The following CCKAR variants were observed in gnomAD, a reference collection of about 807,000 sequenced individuals.
The protein encoded by CCKAR is cholecystokinin receptor type A.
Under a neutral mutation model 29.8 loss-of-function variants are expected in CCKAR, and 21 were observed. The ratio of observed to expected loss-of-function variants is 0.70; its 90% CI spans 0.50 to 1.01. CCKAR has a LOEUF of 1.01. Ranked by LOEUF, CCKAR falls within the 50% of genes least tolerant of loss-of-function variation. The pLI is 0.00. For missense variants in CCKAR, 570 were observed against 560.6 expected (o/e 1.02, Z -0.17); for synonymous variants, 238 against 221.3 (o/e 1.08, Z -0.67).
intron 2 of CCKAR, among the ~76,000 whole-genome samples, chr4:26,487,752 T>G (rs1177981686): frequency 6.6e-6 from 1 of 152,228 alleles, no homozygotes; most frequent in Non-Finnish European, 1.5e-5. Context: ...CACAATGTTT[T>G]GCCACCATGA....
rs76530633 is a variant in CCKAR at position 26,489,347 on chromosome 4, C to A, written c.250G>T (p.Ala84Ser). Residue 84 changes from alanine to serine, a missense_variant, in exon 2 of 5, where the codon GCT (alanine) becomes TCT (serine). Transcript: ENST00000295589. ...TVTNIFLLSLAVSDLMLCLFC... is the reference protein window; with the variant it reads ...TVTNIFLLSLSVSDLMLCLFC... ...AGACAGAGCATGAGGTCGCTGACAG[C>A]CAGGGAGAGGAGGAAGATGTTGGTG... The A allele has an allele frequency of 6.2e-4, 995 of 1,614,120 alleles. 1 individual carries two copies. The highest frequency in any genetic ancestry group is 7.9e-4 in the Non-Finnish European group (936 of 1,180,020).
rs373086084 is a variant in CCKAR at position 26,490,474 on chromosome 4, G to C, written c.-207C>G. ...CTCCAGCATTTGTACTCCTGTTGTG[G>C]AAAAGGCAGTGAGCACAAGCCAAGC... On this transcript the variant is annotated 5_prime_UTR_variant, in exon 1 of 5. Transcript: ENST00000295589. 55 of 512,672 alleles carry C rather than the reference G, an allele frequency of 1.1e-4. No individual in the cohort carries two copies. The East Asian group carries it at 1.5e-3, about 14-fold the overall frequency. The allele number at this position is 512,672 out of a possible 1,614,324, so 31.8% of individuals were successfully genotyped here.
intron 2 of CCKAR, among the ~76,000 whole-genome samples, chr4:26,487,117 T>C (rs896006402): frequency 6.6e-6 from 1 of 152,232 alleles, no homozygotes; most frequent in African/African-American, 2.4e-5. Flanking sequence ...TGCTATAAAT[T>C]CTGTCAATTC....
intron 3 of CCKAR, 150 bp from the exon 4 acceptor site, chr4:26,483,433 G>A: frequency 3.1e-6 from 2 of 648,938 alleles, no homozygotes; most frequent in Non-Finnish European, 4.9e-6. Context: ...TTCATGTCTG[G>A]AGATTCAGTC....
Position 26,482,060 on chromosome 4 carries a change from T to TGCC in CCKAR, c.862_864dup (p.Gly288dup). 2.5e-6 allele frequency: 4 copies of TGCC among 1,614,244 alleles called. No homozygotes were observed. The highest frequency in any genetic ancestry group is 1.7e-6 in the Non-Finnish European group (2 of 1,180,042). Reference sequence around the variant, plus strand: ...CGGATGCGGTTGGCCCTGCTGCTGCTGCCGGTGGACAGCTGCCGGAGCTCC... The same window carrying TGCC: ...CGGATGCGGTTGGCCCTGCTGCTGCTGCCGCCGGTGGACAGCTGCCGGAGCTCC... On this transcript the variant is annotated inframe_insertion, in exon 5 of 5. Coordinates refer to ENST00000295589, the MANE Select transcript of CCKAR (RefSeq NM_000730.3).
Position 26,483,148 on chromosome 4 carries a change from ATAGT to A in CCKAR, c.754+4_754+7del. ...TTTGGCATAAACACACAGCTACAAG[ATAGT>A]TACCTTTAGCAGACTTCTTCTGGCT... On this transcript the variant is annotated splice_donor_5th_base_variant and intron_variant, in intron 4 of 4. Transcript: ENST00000295589. The A allele has an allele frequency of 6.2e-7, 1 of 1,613,268 alleles. No individual in the cohort carries two copies. The highest frequency in any genetic ancestry group is 1.1e-5 in the South Asian group (1 of 90,832).
rs1044347947 is a variant in CCKAR, at chr4:26,485,881, A to G, written c.382T>C (p.Ser128Pro). 6.2e-7 allele frequency: 1 copy of G among 1,613,568 alleles called. No individual in the cohort carries two copies. Among genetic ancestry groups the G allele is most frequent in the African/African-American group, 1.3e-5 (1 of 75,022 alleles). The change falls in exon 3 of 5, where the codon TCT (serine) becomes CCT (proline). Residue 128 changes from serine to proline, a missense_variant. Physicochemically the swap from Ser to Pro is moderately conservative, Grantham distance 74. Transcript: ENST00000295589. Reference sequence around the variant, plus strand: ...GATATGGCTACCAGATTAAAGGTAGATACACTCACAGAGGTGCCTGGGAAA... The same window carrying G: ...GATATGGCTACCAGATTAAAGGTAGGTACACTCACAGAGGTGCCTGGGAAA... ...TYFMGTSVSV[S>P]TFNLVAISLE...
chr4:26,481,552 C>G lies in CCKAR; in HGVS notation c.*86G>C. 1.7e-5 allele frequency: 24 copies of G among 1,419,670 alleles called. No homozygotes were observed. The highest frequency in any genetic ancestry group is 4.2e-5 in the African/African-American group (3 of 71,240). The allele number at this position is 1,419,670 out of a possible 1,614,324, so 87.9% of individuals were successfully genotyped here. On this transcript the variant is annotated 3_prime_UTR_variant, in exon 5 of 5. Transcript: ENST00000295589. The stretch of plus-strand genomic sequence containing the variant: ...GAGCCTTCCTTCTCCATCAGCTCTG[C>G]TCCTTCTCTTCCTGATCTCTTCTTC...
At position 26,489,504 on chromosome 4, in the gene CCKAR, C is replaced by A. The variant is rs999779227; in HGVS notation, c.113-20G>T. On this transcript the variant is annotated intron_variant, in intron 1 of 4. Coordinates refer to ENST00000295589, the MANE Select transcript of CCKAR (RefSeq NM_000730.3). ...GCCACTCTGCAGAGAGAAACAGGAG[C>A]AAGACGGAGGGATGGAGGTGATGAC... 8.1e-6 allele frequency: 13 copies of A among 1,611,634 alleles called. No homozygotes were observed. The African/African-American group carries it at 1.3e-4, about 17-fold the overall frequency.
chr4:26,489,103 G>T, intron 2 of CCKAR, 130 bp downstream of exon 2: 2 of 1,182,822 alleles, frequency 1.7e-6, no homozygotes, highest in East Asian at 2.3e-5. Flanking sequence ...ACACAGCCAT[G>T]CACAGCCTGA....
At chr4:26,485,533 A>C (rs1737431576) in intron 3 of CCKAR, 104 bp downstream of exon 3, 1 of 1,251,534 alleles carries the variant, frequency 8.0e-7, no homozygotes, top group Admixed American at 1.9e-5. Flanking sequence ...AAACGTCTCC[A>C]GGAAACTGAT....
chr4:26,483,982 A>T (rs906786903), intron 3 of CCKAR, among the ~76,000 whole-genome samples: 22 of 152,258 alleles, frequency 1.4e-4, no homozygotes, highest in African/African-American at 5.3e-4. Flanking sequence ...TTTCCAACCC[A>T]TAAGCAGCTC....
Position 26,482,130 on chromosome 4 carries a change from GTCC to G in CCKAR, c.792_794del (p.Glu264del). On this transcript the variant is annotated inframe_deletion, in exon 5 of 5. Coordinates refer to ENST00000295589, the MANE Select transcript of CCKAR (RefSeq NM_000730.3). ...TCTTTTGCAGGTAACACCCATCGCT[GTCC>G]TCATATTTGCCGCTGCTGGTGGTGC... 1 of 1,613,354 alleles carries G rather than the reference GTCC, an allele frequency of 6.2e-7. No homozygotes were observed. The highest frequency in any genetic ancestry group is 8.5e-7 in the Non-Finnish European group (1 of 1,179,374).
chr4:26,488,475 T>A (rs1002096753), intron 2 of CCKAR, among the ~76,000 whole-genome samples: 1 of 152,200 alleles, frequency 6.6e-6, no homozygotes, highest in Admixed American at 6.5e-5. Context: ...GCAAAGCACT[T>A]AGTACCACAT....
At chr4:26,489,582 A>T (rs776704711) in intron 1 of CCKAR, 98 bp from the exon 2 acceptor site, 1 of 1,378,170 alleles carries the variant, frequency 7.3e-7, no homozygotes. Context: ...TTTTCCCCCC[A>T]CCGGGGTGTA....
At chr4:26,486,148 G>A (rs1737446896) in intron 2 of CCKAR, among the ~76,000 whole-genome samples, 1 of 152,148 alleles carries the variant, frequency 6.6e-6, no homozygotes, top group Non-Finnish European at 1.5e-5. Flanking sequence ...AGTTTATTGA[G>A]CTTTGATTAT....
rs554967521 is a variant in CCKAR at position 26,483,110 on chromosome 4, GC to G, written c.754+45del. ...TATCTATTTAAATGATAGAAAACAAGCTTTTGTGCTCATTTGGCATAAACAC... is the reference window on the plus strand; with the variant it reads ...TATCTATTTAAATGATAGAAAACAAGTTTTGTGCTCATTTGGCATAAACAC... On this transcript the variant is annotated intron_variant, in intron 4 of 4. Transcript: ENST00000295589. 431 of 1,592,340 alleles carry G rather than the reference GC, an allele frequency of 2.7e-4. 1 individual carries two copies. The African/African-American group carries it at 5.3e-3, about 19-fold the overall frequency.
chr4:26,487,285 T>C (rs1737468230), intron 2 of CCKAR, among the ~76,000 whole-genome samples: 1 of 152,202 alleles, frequency 6.6e-6, no homozygotes, highest in Non-Finnish European at 1.5e-5. Flanking sequence ...CTAGGGAGCC[T>C]AGCTCTAGCT....
intron 3 of CCKAR, among the ~76,000 whole-genome samples, chr4:26,484,093 C>G (rs942243997): frequency 2.0e-5 from 3 of 152,200 alleles, no homozygotes; most frequent in Non-Finnish European, 4.4e-5. Context: ...TTTTTCTAAA[C>G]ATCTTTGATT....
Sources: gnomAD v4.1 joint callset for allele counts (sites outside exome capture counted in the v4.1 genomes callset) on GRCh38, gnomAD v4.1.1 for gene constraint, MANE v1.5 for transcripts, NCBI Gene and HGNC (gene_info 2026-07-23, HGNC 2026-07-21) for gene names.